SLC6A6: variants seen among roughly 807,000 people sequenced by gnomAD.
The protein encoded by SLC6A6 is sodium- and chloride-dependent taurine transporter.
Under a neutral mutation model 68.8 loss-of-function variants are expected in SLC6A6, and 16 were observed. The observed-to-expected ratio is 0.23, with a 90% CI of 0.16 to 0.35. SLC6A6 has a LOEUF of 0.35. SLC6A6 is among the 10% of genes least tolerant of loss of function. The pLI is 1.00. For synonymous variants in SLC6A6, 312 were observed against 315.4 expected, an observed-to-expected ratio of 0.99 and a Z score of 0.12; for missense variants, 474 against 802.8, an observed-to-expected ratio of 0.59 and a Z score of 4.95.
intron 10 of SLC6A6, among the ~76,000 whole-genome samples, chr3:14,475,598 A>C (rs1182741938): frequency 6.6e-6 from 1 of 152,188 alleles, no homozygotes; most frequent in Non-Finnish European, 1.5e-5. Context: ...GGAGAAGGGC[A>C]GTGTTCTCTG....
At chr3:14,478,393 C>A in intron 11 of SLC6A6, 73 bp from the exon 12 acceptor site, 1 of 861,192 alleles carries the variant, frequency 1.2e-6, no homozygotes, top group Non-Finnish European at 2.0e-6. Flanking sequence ...ATTGATATGC[C>A]AGAGCTCTTT....
In SLC6A6 at chr3:14,477,185, C is replaced by T. The variant is rs771683082; in HGVS notation, c.1210-20C>T. ...CCTGAGCGTCAGCCGCTCACCAGCT[C>T]TCTCTCTTCCCCTCCTCAGTTTGTT... On this transcript the variant is annotated intron_variant, in intron 10 of 14. Coordinates refer to ENST00000622186, the MANE Select transcript of SLC6A6 (RefSeq NM_003043.6). This position sits in a 1 kb window ranked among gnomAD's most constrained non-coding sequence, Gnocchi z 4.2. 1.5e-5 allele frequency: 24 copies of T among 1,604,482 alleles called. No individual in the cohort carries two copies. The highest frequency in any genetic ancestry group is 6.7e-5 in the Admixed American group (4 of 59,798).
At chr3:14,443,974 C>CA in intron 3 of SLC6A6, 111 bp downstream of exon 3, 1 of 730,554 alleles carries the variant, frequency 1.4e-6, no homozygotes, top group Non-Finnish European at 2.3e-6. Flanking sequence ...CCCTGGCCCC[C>CA]CCCCTTGACC....
At chr3:14,439,181 C>T (rs970754786) in intron 2 of SLC6A6, among the ~76,000 whole-genome samples, 9 of 152,248 alleles carry the variant, frequency 5.9e-5, no homozygotes, top group African/African-American at 2.2e-4. Flanking sequence ...GAGCCTCTCT[C>T]TCCTTTCCAC....
chr3:14,470,570 T>C (rs1168859782), intron 9 of SLC6A6, among the ~76,000 whole-genome samples: 1 of 152,176 alleles, frequency 6.6e-6, no homozygotes, highest in Non-Finnish European at 1.5e-5. Flanking sequence ...ACGAGCGAAT[T>C]GAGAATCTTC....
upstream of SLC6A6, chr3:14,402,591 A>C (rs1361816336): frequency 5.0e-6 from 2 of 397,408 alleles, no homozygotes; most frequent in Non-Finnish European, 8.9e-6. This position sits in a 1 kb window ranked among gnomAD's most constrained non-coding sequence, Gnocchi z 4.8. Context: ...TCCACCCAGC[A>C]GGATGGGTGA....
chr3:14,443,369 G>A (rs904231886), intron 2 of SLC6A6, among the ~76,000 whole-genome samples: 3 of 152,116 alleles, frequency 2.0e-5, no homozygotes, highest in Non-Finnish European at 2.9e-5. Flanking sequence ...TTCAGCAGGT[G>A]CCCGGGGAAT....
intron 3 of SLC6A6, among the ~76,000 whole-genome samples, chr3:14,445,218 T>C (rs556875060): frequency 2.5e-4 from 38 of 151,580 alleles, no homozygotes; most frequent in South Asian, 4.2e-4. Flanking sequence ...GTCAGGAGAT[T>C]GAGAACATCC....
intron 2 of SLC6A6, among the ~76,000 whole-genome samples, chr3:14,420,601 C>G (rs564231120): frequency 6.6e-6 from 1 of 151,984 alleles, no homozygotes; most frequent in South Asian, 2.1e-4. Context: ...AGCCTTCCTC[C>G]CACCTCAGCC....
In SLC6A6 at chr3:14,468,272, C is replaced by G. The variant is rs954398620; in HGVS notation, c.1096+60C>G. On this transcript the variant is annotated intron_variant, in intron 9 of 14. Coordinates refer to ENST00000622186, the MANE Select transcript of SLC6A6 (RefSeq NM_003043.6). This position sits in a 1 kb window ranked among gnomAD's most constrained non-coding sequence, Gnocchi z 4.5. ...TGCCACCTAGTGTGTAAGCCAAGTA[C>G]TGCAGGCATGAAGCCAGACCCCAGG... is the stretch of plus-strand genomic sequence containing the variant. 4 of 1,522,272 alleles carry G rather than the reference C, an allele frequency of 2.6e-6. No homozygotes were observed. The highest frequency in any genetic ancestry group is 3.6e-6 in the Non-Finnish European group (4 of 1,121,508). The allele number at this position is 1,522,272 out of a possible 1,614,324, so 94.3% of individuals were successfully genotyped here.
At position 14,471,944 on chromosome 3, in the gene SLC6A6, A is replaced by T. The variant is rs187097334; in HGVS notation, c.1097-261A>T. ...CTCAGTCTGCATCCTACCCCAAATA[A>T]CCACGCCCCGATGGATGCTGGTGTG... On this transcript the variant is annotated intron_variant, in intron 9 of 14. Transcript: ENST00000622186. Among the ~76,000 whole-genome samples the T allele has an allele frequency of 1.7e-3, 254 of 152,142 alleles. 3 individuals carry two copies. The South Asian group carries it at 0.032, about 19-fold the overall frequency.
intron 2 of SLC6A6, among the ~76,000 whole-genome samples, chr3:14,435,733 C>T (rs1699837464): frequency 6.6e-6 from 1 of 152,206 alleles, no homozygotes; most frequent in African/African-American, 2.4e-5. Flanking sequence ...GTCTGGCCCC[C>T]TCTGTGTTTG....
chr3:14,405,950 G>C (rs1699097590), intron 1 of SLC6A6, among the ~76,000 whole-genome samples: 1 of 152,110 alleles, frequency 6.6e-6, no homozygotes, highest in Admixed American at 6.5e-5. Context: ...TGTGCAGTGA[G>C]GGTGGGGTAG....
chr3:14,441,013 A>G (rs867460419), intron 2 of SLC6A6, among the ~76,000 whole-genome samples: 22 of 152,136 alleles, frequency 1.4e-4, no homozygotes, highest in South Asian at 2.1e-4. Context: ...TTCATTTTGT[A>G]GGAAATCAGA....
chr3:14,460,926 C>T (rs558372370), intron 6 of SLC6A6, among the ~76,000 whole-genome samples: 47 of 152,348 alleles, frequency 3.1e-4, no homozygotes, highest in African/African-American at 1.0e-3. Flanking sequence ...TTGTGGCTGA[C>T]GTGGGGGCTG....
chr3:14,482,994 A>G (rs1029063035), intron 14 of SLC6A6, among the ~76,000 whole-genome samples: 3 of 152,164 alleles, frequency 2.0e-5, no homozygotes, highest in African/African-American at 4.8e-5. Flanking sequence ...AGGGTTCATT[A>G]GGGCACAGCA....
chr3:14,424,735 A>C (rs903242088), intron 2 of SLC6A6, among the ~76,000 whole-genome samples: 1 of 152,230 alleles, frequency 6.6e-6, no homozygotes, highest in Non-Finnish European at 1.5e-5. Flanking sequence ...CCCTGCCTTC[A>C]ACCAAACACC....
chr3:14,409,678 G>A (rs7625203), intron 1 of SLC6A6, among the ~76,000 whole-genome samples: 11,096 of 152,278 alleles, frequency 0.073, 1,224 homozygotes, highest in African/African-American at 0.24. Flanking sequence ...GAGGAGGTTA[G>A]TGAACAGTCT....
chr3:14,422,401 C>T (rs1314298871), intron 2 of SLC6A6, among the ~76,000 whole-genome samples: 1 of 152,176 alleles, frequency 6.6e-6, no homozygotes, highest in African/African-American at 2.4e-5. Context: ...ATCATTTATT[C>T]CCAGGGTAGG....
Sources: allele counts gnomAD v4.1 joint callset (sites outside exome capture counted in the v4.1 genomes callset), GRCh38; gene constraint gnomAD v4.1.1; non-coding constraint Gnocchi (gnomAD v3.1); transcripts MANE v1.5; gene names NCBI Gene and HGNC (gene_info 2026-07-23, HGNC 2026-07-21).